The following ITGB3 variants were observed in gnomAD, a reference collection of about 807,000 sequenced individuals.
ITGB3 encodes the protein integrin subunit beta 3, also known as integrin beta-3.
A neutral mutation model predicts 85.8 loss-of-function variants in ITGB3; 48 were observed. The ratio of observed to expected loss-of-function variants is 0.56; its 90% CI spans 0.44 to 0.71. The LOEUF is 0.71. ITGB3 is among the 30% of genes least tolerant of loss of function. The pLI, the probability that ITGB3 is intolerant of heterozygous loss-of-function variation, is 0.00. For missense variants in ITGB3, 861 were observed against 1,019.1 expected, an observed-to-expected ratio of 0.84 and a Z score of 2.11; for synonymous variants, 363 against 395.6, an observed-to-expected ratio of 0.92 and a Z score of 0.98.
At chr17:47,257,712 C>G (rs1474041852) in intron 1 of ITGB3, among the ~76,000 whole-genome samples, 2 of 152,206 alleles carry the variant, frequency 1.3e-5, no homozygotes, top group African/African-American at 4.8e-5. Context: ...TGCACTGTTG[C>G]ACCATTTAGA....
chr17:47,304,523 G>A (rs2065179844), intron 13 of ITGB3, among the ~76,000 whole-genome samples: 1 of 152,240 alleles, frequency 6.6e-6, no homozygotes, highest in Non-Finnish European at 1.5e-5. Context: ...GCAGTATTTG[G>A]TACACAATGA....
chr17:47,300,346 C>CGCGCGTGCGTGCATGTGTGTGTGT, intron 11 of ITGB3, 132 bp from the exon 12 acceptor site: 2 of 619,018 alleles, frequency 3.2e-6, no homozygotes, highest in African/African-American at 3.7e-5. Context: ...CGCGCGCGCG[C>CGCGCGTGCGTGCATGTGTGTGTGT]GTGTGTGTGT....
chr17:47,254,393 C>G (rs1266211032), intron 1 of ITGB3, among the ~76,000 whole-genome samples: 1 of 152,206 alleles, frequency 6.6e-6, no homozygotes, highest in Non-Finnish European at 1.5e-5. Flanking sequence ...AGAGCGTGCG[C>G]GCGCGCGGGT....
At chr17:47,261,846 G>A (rs1338802107) in intron 1 of ITGB3, among the ~76,000 whole-genome samples, 3 of 152,154 alleles carry the variant, frequency 2.0e-5, no homozygotes, top group Non-Finnish European at 2.9e-5. Context: ...TATACTCTAG[G>A]CATCTTTTTA....
At chr17:47,304,668 C>T (rs540451591) in intron 13 of ITGB3, among the ~76,000 whole-genome samples, 8 of 152,196 alleles carry the variant, frequency 5.3e-5, no homozygotes, top group African/African-American at 1.4e-4. Flanking sequence ...AGTACAGCGG[C>T]GTGATCTTGG....
intron 3 of ITGB3, 129 bp downstream of exon 3, chr17:47,283,678 G>C: frequency 1.2e-6 from 1 of 847,112 alleles, no homozygotes; most frequent in African/African-American, 1.7e-5. Context: ...AAGGATGAGG[G>C]GGGAGGTGTG....
intron 1 of ITGB3, among the ~76,000 whole-genome samples, chr17:47,272,686 TC>T (rs1242567574): frequency 2.2e-5 from 3 of 136,718 alleles, no homozygotes; most frequent in African/African-American, 2.8e-5. Flanking sequence ...TCTTTTTTTT[TC>T]TTTCTTTCTT....
At chr17:47,307,439 C>G (rs771468232) in intron 13 of ITGB3, 32 bp from the exon 14 acceptor site, 1 of 1,613,070 alleles carries the variant, frequency 6.2e-7, no homozygotes, top group Admixed American at 1.7e-5. Flanking sequence ...GCTTCATTCA[C>G]AACCGCCCTG....
chr17:47,300,346 C>CGT (rs58012849), intron 11 of ITGB3, 132 bp from the exon 12 acceptor site: 300,409 of 618,084 alleles, frequency 0.49, 35,766 homozygotes, highest in Non-Finnish European at 0.51. Context: ...CGCGCGCGCG[C>CGT]GTGTGTGTGT....
intron 10 of ITGB3, among the ~76,000 whole-genome samples, chr17:47,296,068 C>T (rs551230426): frequency 5.3e-4 from 80 of 152,366 alleles, no homozygotes; most frequent in African/African-American, 1.9e-3. Flanking sequence ...TGTTTCCCTC[C>T]CTCCTCTCTA....
intron 10 of ITGB3, among the ~76,000 whole-genome samples, chr17:47,297,833 G>A (rs1195510935): frequency 7.1e-5 from 10 of 141,322 alleles, no homozygotes; most frequent in Non-Finnish European, 1.5e-5. Flanking sequence ...AGTGAGCAAT[G>A]ATTGCACCAC....
chr17:47,287,592 G>A (rs117555650), intron 6 of ITGB3, among the ~76,000 whole-genome samples: 80 of 152,200 alleles, frequency 5.3e-4, no homozygotes, highest in Non-Finnish European at 1.1e-3. Context: ...TGTGGTTATT[G>A]GAAGAAGACA....
chr17:47,303,954 C>T (rs1019256179), intron 13 of ITGB3, among the ~76,000 whole-genome samples: 9 of 151,940 alleles, frequency 5.9e-5, no homozygotes, highest in East Asian at 1.9e-4. Flanking sequence ...TGCAGTGGTG[C>T]GACCTTGGCT....
intron 1 of ITGB3, among the ~76,000 whole-genome samples, chr17:47,268,176 C>G (rs554674481): frequency 6.8e-4 from 104 of 152,254 alleles, no homozygotes; most frequent in Non-Finnish European, 1.2e-3. Context: ...CCTCCCACAA[C>G]ACATGGGGAT....
chr17:47,253,834 G>C lies in ITGB3; in HGVS notation c.-28G>C. The C allele has an allele frequency of 8.4e-7, 1 of 1,189,036 alleles. No homozygotes were observed. The highest frequency in any genetic ancestry group is 1.0e-6 in the Non-Finnish European group (1 of 957,312). The allele number at this position is 1,189,036 out of a possible 1,614,324, so 73.7% of individuals were successfully genotyped here. A position where few individuals can be genotyped will look rare whatever the true frequency, so the allele number is the denominator to read the frequency against. On this transcript the variant is annotated 5_prime_UTR_variant, in exon 1 of 15. Coordinates refer to ENST00000559488, the MANE Select transcript of ITGB3 (RefSeq NM_000212.3). ...CGGGCGGCGGCGCCCACTGTGGGGC[G>C]GGCGGAGCGCCGCGGGAGGCGGACG...
chr17:47,308,197 T>TAAAATA (rs2065197459), intron 14 of ITGB3, among the ~76,000 whole-genome samples: 1 of 85,728 alleles, frequency 1.2e-5, no homozygotes, highest in African/African-American at 5.1e-5. Flanking sequence ...TAAAATAAAA[T>TAAAATA]AAAAGGTTAC....
intron 11 of ITGB3, among the ~76,000 whole-genome samples, chr17:47,300,238 G>C (rs564882199): frequency 6.6e-6 from 1 of 152,222 alleles, no homozygotes; most frequent in Non-Finnish European, 1.5e-5. Context: ...AAGGACCTGG[G>C]AGGCTTCTGG....
chr17:47,270,654 A>G (rs1282163883), intron 1 of ITGB3, among the ~76,000 whole-genome samples: 2 of 152,288 alleles, frequency 1.3e-5, no homozygotes, highest in African/African-American at 4.8e-5. Context: ...ATTCCCACTC[A>G]TGGGCCTCAC....
intron 2 of ITGB3, among the ~76,000 whole-genome samples, chr17:47,274,869 A>G (rs1372935620): frequency 6.6e-6 from 1 of 152,108 alleles, no homozygotes; most frequent in Non-Finnish European, 1.5e-5. Flanking sequence ...CTGGTCTTGA[A>G]CTAGACATAA....
Sources: allele counts gnomAD v4.1 joint callset (sites outside exome capture counted in the v4.1 genomes callset), GRCh38; gene constraint gnomAD v4.1.1; transcripts MANE v1.5; gene names NCBI Gene and HGNC (gene_info 2026-07-23, HGNC 2026-07-21).